Variants in DCDC1 observed in about 807,000 individuals in gnomAD.
The protein encoded by DCDC1 is doublecortin domain-containing protein 1.
In DCDC1, 200 loss-of-function variants were observed where a neutral mutation model predicts 178.3. The observed-to-expected ratio is 1.12, with a 90% CI of 1.00 to 1.26. DCDC1 has a LOEUF of 1.26. DCDC1 is among the 50% of genes most tolerant of loss of function. The pLI is 0.00. For missense variants in DCDC1, 1,983 were observed against 1,749.2 expected (o/e 1.13, Z -2.38); for synonymous variants, 690 against 604.8 (o/e 1.14, Z -2.07).
chr11:30,878,872 T>C (rs959133494), intron 37 of DCDC1, among the ~76,000 whole-genome samples, 161 bp from the exon 38 acceptor site: 3 of 152,140 alleles, frequency 2.0e-5, no homozygotes, highest in Admixed American at 6.6e-5. Flanking sequence ...ATGAGATATA[T>C]TGTTAATAGT....
chr11:31,284,300 A>T (rs1946665594), intron 7 of DCDC1, among the ~76,000 whole-genome samples: 1 of 152,178 alleles, frequency 6.6e-6, no homozygotes, highest in Non-Finnish European at 1.5e-5. Flanking sequence ...TTGCTCTTAA[A>T]CATCAGAAAA....
chr11:31,011,930 C>A (rs1305311157), intron 20 of DCDC1, among the ~76,000 whole-genome samples: 1 of 152,154 alleles, frequency 6.6e-6, no homozygotes, highest in Non-Finnish European at 1.5e-5. Context: ...TAATCCCCAG[C>A]GTTGGAGGAG....
In DCDC1 at chr11:31,220,689, T is replaced by C. The variant is rs112168448; in HGVS notation, c.1221+20761A>G. On this transcript the variant is annotated intron_variant, in intron 9 of 38. Coordinates refer to ENST00000684477, the MANE Select transcript of DCDC1 (RefSeq NM_001387274.1). ...TTACAATTGATGTTAAAAACCAATTTTGAATGTGCAAAGTACCATTTGAAC... is the reference window on the plus strand; with the variant it reads ...TTACAATTGATGTTAAAAACCAATTCTGAATGTGCAAAGTACCATTTGAAC... 2.3e-3 allele frequency among the ~76,000 whole-genome samples: 343 copies of C among 152,368 alleles called. 4 individuals carry two copies. Among genetic ancestry groups the C allele is most frequent in the African/African-American group, 7.8e-3 (324 of 41,596 alleles).
At chr11:31,124,253 G>A (rs923170069) in intron 11 of DCDC1, among the ~76,000 whole-genome samples, 1 of 151,840 alleles carries the variant, frequency 6.6e-6, no homozygotes, top group Non-Finnish European at 1.5e-5. Flanking sequence ...TTATCGAAGG[G>A]ATTTTCTGCA....
intron 7 of DCDC1, among the ~76,000 whole-genome samples, chr11:31,279,517 A>T (rs1465303811): frequency 6.6e-6 from 1 of 152,190 alleles, no homozygotes. Flanking sequence ...GATAGACTGG[A>T]TAGAGAAAAT....
chr11:31,112,558 A>G (rs1959197015), intron 11 of DCDC1, among the ~76,000 whole-genome samples: 2 of 152,202 alleles, frequency 1.3e-5, no homozygotes, highest in Admixed American at 1.3e-4. Context: ...TGATGCAGAA[A>G]GCCAGCTGAG....
At chr11:31,204,179 C>T (rs534170411) in intron 9 of DCDC1, among the ~76,000 whole-genome samples, 8 of 152,158 alleles carry the variant, frequency 5.3e-5, no homozygotes, top group African/African-American at 1.7e-4. Flanking sequence ...CCACAGCATG[C>T]CATTGGTAGT....
chr11:31,298,719 A>G (rs1218118217), intron 6 of DCDC1, among the ~76,000 whole-genome samples: 1 of 152,218 alleles, frequency 6.6e-6, no homozygotes, highest in Non-Finnish European at 1.5e-5. Flanking sequence ...ATATTTCCTC[A>G]GTCTACTTCA....
intron 1 of DCDC1, among the ~76,000 whole-genome samples, chr11:31,358,799 G>GA (rs1334136573): frequency 6.6e-6 from 1 of 152,160 alleles, no homozygotes; most frequent in African/African-American, 2.4e-5. Context: ...CTTCTCAAAA[G>GA]AAGACATTTA....
At chr11:31,311,161 T>C (rs964648895) in intron 3 of DCDC1, among the ~76,000 whole-genome samples, 18 of 152,052 alleles carry the variant, frequency 1.2e-4, no homozygotes, top group African/African-American at 4.3e-4. Flanking sequence ...CCTCAAAGAG[T>C]TTAATTTCAT....
At chr11:31,260,766 T>C (rs1386451358) in intron 8 of DCDC1, among the ~76,000 whole-genome samples, 10 of 152,238 alleles carry the variant, frequency 6.6e-5, no homozygotes, top group South Asian at 2.1e-4. Context: ...CCAAAGAAGT[T>C]AAGAGATCAA....
intron 36 of DCDC1, among the ~76,000 whole-genome samples, chr11:30,885,555 A>G (rs1156412882): frequency 6.6e-6 from 1 of 152,112 alleles, no homozygotes; most frequent in Non-Finnish European, 1.5e-5. Context: ...GAGATAACCA[A>G]TAAGTGATAA....
chr11:30,971,318 T>C (rs1224353402), intron 20 of DCDC1, among the ~76,000 whole-genome samples: 2 of 152,076 alleles, frequency 1.3e-5, no homozygotes, highest in African/African-American at 4.8e-5. Flanking sequence ...AGTAAGAGTC[T>C]AGTGAAAAAT....
At chr11:31,055,642 T>G (rs1315647106) in intron 20 of DCDC1, among the ~76,000 whole-genome samples, 2 of 152,166 alleles carry the variant, frequency 1.3e-5, no homozygotes, top group African/African-American at 4.8e-5. Flanking sequence ...AAACTTTGGT[T>G]TATTTATATG....
intron 36 of DCDC1, chr11:30,883,465 G>T: frequency 2.2e-6 from 1 of 459,266 alleles, no homozygotes; most frequent in Non-Finnish European, 4.5e-6. Context: ...AAAAATAGAA[G>T]AAAACTTTCC....
chr11:31,260,524 C>T (rs540994728), intron 8 of DCDC1, among the ~76,000 whole-genome samples: 44 of 152,148 alleles, frequency 2.9e-4, no homozygotes, highest in Non-Finnish European at 2.1e-4. Flanking sequence ...AGGAAGTGAA[C>T]ATTCAGTATG....
At chr11:31,038,337 A>G (rs1377184813) in intron 20 of DCDC1, among the ~76,000 whole-genome samples, 2 of 152,130 alleles carry the variant, frequency 1.3e-5, no homozygotes, top group Admixed American at 1.3e-4. Context: ...TCTTTTGAGC[A>G]CCATACTTAA....
intron 10 of DCDC1, among the ~76,000 whole-genome samples, 198 bp downstream of exon 10, chr11:31,137,494 C>T (rs1021758365): frequency 1.1e-4 from 17 of 151,858 alleles, no homozygotes; most frequent in African/African-American, 1.9e-4. Context: ...GGATTACAGG[C>T]GCCCGCCACC....
chr11:30,958,833 T>C (rs920553711), intron 20 of DCDC1, among the ~76,000 whole-genome samples: 1 of 151,990 alleles, frequency 6.6e-6, no homozygotes, highest in African/African-American at 2.4e-5. Context: ...GGGGAGTGAT[T>C]GGAGAATTGA....
Sources: gnomAD v4.1 joint callset for allele counts (sites outside exome capture counted in the v4.1 genomes callset) on GRCh38, gnomAD v4.1.1 for gene constraint, MANE v1.5 for transcripts, NCBI Gene and HGNC (gene_info 2026-07-23, HGNC 2026-07-21) for gene names.